The following MFSD11 variants were observed in gnomAD, a reference collection of about 807,000 sequenced individuals.
MFSD11 encodes UNC93-like protein MFSD11.
Under a neutral mutation model 53.5 loss-of-function variants are expected in MFSD11, and 36 were observed. That is an observed-to-expected ratio of 0.67 (90% confidence interval 0.52 to 0.89). The LOEUF (loss-of-function observed/expected upper bound fraction) is 0.89, where lower values mean the gene tolerates loss of function less well. MFSD11 is among the 40% of genes least tolerant of loss of function. The pLI is 0.00. For missense variants in MFSD11, 530 were observed against 543.9 expected, an observed-to-expected ratio of 0.97 and a Z score of 0.25; for synonymous variants, 186 against 184.9, an observed-to-expected ratio of 1.01 and a Z score of -0.05.
downstream of MFSD11, among the ~76,000 whole-genome samples, chr17:76,784,008 T>G (rs2082233696): frequency 6.6e-6 from 1 of 150,908 alleles, no homozygotes; most frequent in African/African-American, 2.4e-5. Flanking sequence ...TGTGGAGAAA[T>G]TGAAACCCTT....
rs1235567088 is a variant in MFSD11 at position 76,778,263 on chromosome 17, T to G, written c.1261T>G (p.Phe421Val). The G allele has an allele frequency of 6.2e-7, 1 of 1,614,020 alleles. No individual in the cohort carries two copies. Among genetic ancestry groups the G allele is most frequent in the Non-Finnish European group, 8.5e-7 (1 of 1,180,032 alleles). Reference protein sequence around the residue: ...LHWQLLVMVIFGFFGTISFFT... With the variant: ...LHWQLLVMVIVGFFGTISFFT... The stretch of plus-strand genomic sequence containing the variant: ...CTGGCAACTCCTGGTCATGGTGATA[T>G]TTGGGTTTTTTGGAACAATTTCTTT... Residue 421 changes from phenylalanine (F) to valine (V), a missense_variant, in exon 13 of 13, where the codon TTT becomes GTT. By Grantham distance (50) the Phe-to-Val change is conservative. Transcript: ENST00000685175.
intron 2 of MFSD11, among the ~76,000 whole-genome samples, chr17:76,740,586 C>T (rs1269978425): frequency 1.3e-5 from 2 of 151,330 alleles, no homozygotes; most frequent in African/African-American, 2.5e-5. Flanking sequence ...TACTTAATCC[C>T]ACTGTATTTC....
the MFSD11 span, among the ~76,000 whole-genome samples, chr17:76,793,807 G>A: frequency 6.6e-6 from 1 of 151,562 alleles, no homozygotes; most frequent in East Asian, 1.9e-4. Flanking sequence ...CATGGCTTCA[G>A]CCGGTCCCTC....
At chr17:76,748,571 C>T (rs1429585909) in intron 7 of MFSD11, among the ~76,000 whole-genome samples, 2 of 151,798 alleles carry the variant, frequency 1.3e-5, no homozygotes, top group African/African-American at 4.8e-5. Context: ...CCTGTAGTCC[C>T]AGCTACTTGA....
the MFSD11 span, chr17:76,799,422 T>G: frequency 1.3e-5 from 2 of 150,750 alleles, no homozygotes; most frequent in African/African-American, 4.9e-5. Flanking sequence ...GCCTTATTAT[T>G]ATTTTTGAGA....
the MFSD11 span, among the ~76,000 whole-genome samples, chr17:76,797,186 G>GA: frequency 8.3e-4 from 125 of 150,976 alleles, no homozygotes; most frequent in South Asian, 0.014. Flanking sequence ...AAAGAAAAAA[G>GA]AAAAAAGAAA....
the MFSD11 span, among the ~76,000 whole-genome samples, chr17:76,802,163 C>T: frequency 1.2e-4 from 18 of 152,104 alleles, no homozygotes; most frequent in East Asian, 1.9e-4. Flanking sequence ...CCCAGCTTCT[C>T]GGAAGGCTAA....
At chr17:76,791,165 A>G in the MFSD11 span, among the ~76,000 whole-genome samples, 2 of 148,550 alleles carry the variant, frequency 1.3e-5, no homozygotes, top group Non-Finnish European at 3.0e-5. Flanking sequence ...CTGAGCTGCT[A>G]TTAAATCTGG....
At chr17:76,737,227 G>A (rs747137211), upstream of MFSD11, 50 of 1,465,940 alleles carry the variant, frequency 3.4e-5, 1 homozygote, top group African/African-American at 5.7e-4. Flanking sequence ...GCGGTGCGAC[G>A]CCGCGCCTCT....
At position 76,769,772 on chromosome 17, in the gene MFSD11, G is replaced by GT. The variant is rs771092639; in HGVS notation, c.776dup (p.Tyr260IlefsTer10). On this transcript the variant is annotated frameshift_variant, in exon 10 of 13. Transcript: ENST00000685175. LOFTEE classifies it high-confidence loss of function. ...TCTGGAATTAACTTTCTTCTCTGGT[G>GT]TATATGGAACCTGTATTGGTGCTAC... is the stretch of plus-strand genomic sequence containing the variant. 3 of 1,608,480 alleles carry GT rather than the reference G, an allele frequency of 1.9e-6. No individual in the cohort carries two copies. The South Asian group carries it at 3.3e-5, about 18-fold the overall frequency.
At chr17:76,740,539 G>A (rs748300877) in intron 2 of MFSD11, among the ~76,000 whole-genome samples, 3 of 152,182 alleles carry the variant, frequency 2.0e-5, no homozygotes, top group African/African-American at 7.2e-5. Flanking sequence ...GTCCTGGCTC[G>A]ACATTCACCA....
chr17:76,753,454 C>A (rs77868081), intron 7 of MFSD11, among the ~76,000 whole-genome samples: 1 of 152,092 alleles, frequency 6.6e-6, no homozygotes, highest in East Asian at 1.9e-4. Flanking sequence ...AGGTGGATCA[C>A]TTGAGCTCAG....
chr17:76,737,492 G>C, upstream of MFSD11: 1 of 326,220 alleles, frequency 3.1e-6, no homozygotes, highest in Non-Finnish European at 5.6e-6. Flanking sequence ...ACAGCCCGGC[G>C]GGCGGGCCAA....
chr17:76,793,768 T>C, the MFSD11 span, among the ~76,000 whole-genome samples: 6 of 151,642 alleles, frequency 4.0e-5, no homozygotes, highest in Non-Finnish European at 8.8e-5. Context: ...TAAATGTCCA[T>C]GAAATCTTCA....
downstream of MFSD11, among the ~76,000 whole-genome samples, chr17:76,783,775 A>T (rs1396875144): frequency 1.3e-5 from 2 of 151,918 alleles, no homozygotes; most frequent in African/African-American, 4.8e-5. Flanking sequence ...TGTTGGCCAG[A>T]CTGGTCTCGA....
chr17:76,738,555 C>T (rs2144009866), intron 1 of MFSD11, 107 bp downstream of exon 1: 1 of 778,380 alleles, frequency 1.3e-6, no homozygotes, highest in South Asian at 1.7e-5. Context: ...TTGCATCTTT[C>T]ATTTTTCCCA....
At chr17:76,750,291 AAGGCATG>A (rs2078942454) in intron 7 of MFSD11, among the ~76,000 whole-genome samples, 1 of 152,084 alleles carries the variant, frequency 6.6e-6, no homozygotes, top group South Asian at 2.1e-4. Flanking sequence ...GCTTCCGGGC[AAGGCATG>A]AGTTTTATGA....
chr17:76,763,953 C>T (rs1420384924), intron 8 of MFSD11, among the ~76,000 whole-genome samples: 1 of 152,024 alleles, frequency 6.6e-6, no homozygotes, highest in Admixed American at 6.5e-5. Flanking sequence ...GCCTCCTCCT[C>T]CTGGGTTCAG....
chr17:76,773,951 A>C (rs1384815292), intron 10 of MFSD11, among the ~76,000 whole-genome samples: 1 of 151,088 alleles, frequency 6.6e-6, no homozygotes, highest in African/African-American at 2.4e-5. Context: ...TTTGAGACAG[A>C]GTCTTGCTCT....
Sources: gnomAD v4.1 joint callset for allele counts (sites outside exome capture counted in the v4.1 genomes callset) on GRCh38, gnomAD v4.1.1 for gene constraint, MANE v1.5 for transcripts, NCBI Gene and HGNC (gene_info 2026-07-23, HGNC 2026-07-21) for gene names.